The following PPM1L variants were observed in gnomAD, a reference collection of about 807,000 sequenced individuals.
The protein encoded by PPM1L is protein phosphatase, Mg2+/Mn2+ dependent 1L, also known as protein phosphatase 1L.
A neutral mutation model predicts 31.4 loss-of-function variants in PPM1L; 13 were observed. That is an observed-to-expected ratio of 0.41 (90% confidence interval 0.27 to 0.66). The LOEUF (loss-of-function observed/expected upper bound fraction) is 0.66, where lower values mean the gene tolerates loss of function less well. PPM1L is among the 30% of genes least tolerant of loss of function. PPM1L has a pLI of 0.29. For missense variants in PPM1L, 326 were observed against 453.7 expected, an observed-to-expected ratio of 0.72 and a Z score of 2.56; for synonymous variants, 184 against 175.4, an observed-to-expected ratio of 1.05 and a Z score of -0.39.
intron 2 of PPM1L, among the ~76,000 whole-genome samples, chr3:161,053,124 G>T (rs1559938424): frequency 6.6e-6 from 1 of 152,194 alleles, no homozygotes; most frequent in Non-Finnish European, 1.5e-5. Flanking sequence ...GCTTATGTAG[G>T]AAGAATCAAA....
At chr3:160,896,511 C>A (rs761366556) in intron 1 of PPM1L, among the ~76,000 whole-genome samples, 1 of 152,026 alleles carries the variant, frequency 6.6e-6, no homozygotes, top group Non-Finnish European at 1.5e-5. Flanking sequence ...TCACGGCAAA[C>A]CAACTTTAAA....
chr3:161,001,588 G>C (rs1717482924), intron 2 of PPM1L, among the ~76,000 whole-genome samples: 4 of 151,986 alleles, frequency 2.6e-5, no homozygotes, highest in Admixed American at 2.6e-4. Flanking sequence ...TCAATGATAG[G>C]AAAATATATG....
chr3:160,995,167 C>T (rs375430211), intron 2 of PPM1L, among the ~76,000 whole-genome samples: 1 of 152,070 alleles, frequency 6.6e-6, no homozygotes, highest in East Asian at 1.9e-4. Flanking sequence ...AGAACAAAAG[C>T]CTCTTTGAAG....
chr3:160,840,143 A>G (rs1576663779), intron 1 of PPM1L, among the ~76,000 whole-genome samples: 1 of 152,178 alleles, frequency 6.6e-6, no homozygotes, highest in East Asian at 1.9e-4. Flanking sequence ...GTGTTTCTCA[A>G]CCTCATTTGC....
At chr3:161,015,079 T>G in intron 2 of PPM1L, among the ~76,000 whole-genome samples, 2 of 142,416 alleles carry the variant, frequency 1.4e-5, no homozygotes, top group Admixed American at 7.1e-5. Context: ...GTAGGGGGAG[T>G]AGCAAAGGGG....
At chr3:160,781,701 T>G (rs150255509) in intron 1 of PPM1L, among the ~76,000 whole-genome samples, 2 of 152,312 alleles carry the variant, frequency 1.3e-5, no homozygotes, top group East Asian at 3.9e-4. Context: ...TTACCCTGCT[T>G]TTGTCTGCGC....
At chr3:160,905,436 C>T (rs189255125) in intron 1 of PPM1L, among the ~76,000 whole-genome samples, 7 of 152,250 alleles carry the variant, frequency 4.6e-5, no homozygotes, top group Admixed American at 1.3e-4. Flanking sequence ...AAATGCCCGT[C>T]TAATAGTTCT....
chr3:161,033,519 G>C (rs1044184418), intron 2 of PPM1L, among the ~76,000 whole-genome samples: 3 of 151,962 alleles, frequency 2.0e-5, no homozygotes, highest in African/African-American at 4.8e-5. Flanking sequence ...CAGAACAGAG[G>C]CCTCAGAAAA....
chr3:161,067,977 GCTGT>G (rs1265444648), intron 3 of PPM1L, among the ~76,000 whole-genome samples: 4 of 152,140 alleles, frequency 2.6e-5, no homozygotes, highest in African/African-American at 9.7e-5. Context: ...CTCCTGCCAG[GCTGT>G]CTACTTTTTT....
At chr3:160,881,623 C>T (rs910774588) in intron 1 of PPM1L, among the ~76,000 whole-genome samples, 2 of 152,218 alleles carry the variant, frequency 1.3e-5, no homozygotes, top group African/African-American at 4.8e-5. Flanking sequence ...CTGCTTTTGA[C>T]TATTCTCCCT....
chr3:160,829,987 A>G (rs1311667660), intron 1 of PPM1L, among the ~76,000 whole-genome samples: 1 of 152,162 alleles, frequency 6.6e-6, no homozygotes, highest in Admixed American at 6.5e-5. Flanking sequence ...TGGGAAACAA[A>G]GTGGATTGGT....
In PPM1L at chr3:161,068,830, T is replaced by C; in HGVS notation, c.756T>C (p.Asn252=). The C allele has an allele frequency of 1.2e-6, 2 of 1,611,190 alleles. No homozygotes were observed. Among genetic ancestry groups the C allele is most frequent in the East Asian group, 2.2e-5 (1 of 44,854 alleles). ...TTCTAGGTGGTTTCATCAGTTTCAA[T>C]GGCTCCTGGAGGGTCCAGGGAATCC... is the stretch of plus-strand genomic sequence containing the variant. ...IKRAGGFISF[N]GSWRVQGILA... The change falls in exon 4 of 4, where the codon AAT becomes AAC. Residue 252 remains asparagine, a synonymous_variant. Transcript: ENST00000498165.
rs779096753 is a variant in PPM1L at position 160,756,639 on chromosome 3, G to A, written c.331G>A (p.Val111Ile). Residue 111 changes from valine to isoleucine, a missense_variant, in exon 1 of 4, where the codon GTT becomes ATT. Around this residue, in one of 3 missense-constraint regions of PPM1L, gnomAD observed 83 missense variants for 79.4 expected, o/e 1.04. Coordinates refer to ENST00000498165, the MANE Select transcript of PPM1L (RefSeq NM_139245.4). The surrounding 1 kb of genome is among the most constrained non-coding windows in gnomAD (Gnocchi z 6.2). ...AGACCACATGGAGGACCGCTTCGAA[G>A]TTCTCACGGATCTGGCCAACAAGAC... ...RRDHMEDRFEVLTDLANKTHP... is the reference protein window; with the variant it reads ...RRDHMEDRFEILTDLANKTHP... The A allele has an allele frequency of 1.2e-5, 20 of 1,614,070 alleles. No homozygotes were observed. The highest frequency in any genetic ancestry group is 1.0e-4 in the Admixed American group (6 of 60,012).
intron 1 of PPM1L, among the ~76,000 whole-genome samples, chr3:160,860,480 A>G (rs1439649863): frequency 6.6e-6 from 1 of 152,196 alleles, no homozygotes; most frequent in Non-Finnish European, 1.5e-5. Context: ...AAATGGTGGT[A>G]TTATTAACAA....
At chr3:160,802,958 A>G (rs1712479035) in intron 1 of PPM1L, among the ~76,000 whole-genome samples, 2 of 152,218 alleles carry the variant, frequency 1.3e-5, no homozygotes, top group African/African-American at 2.4e-5. Flanking sequence ...CTATTAAGAT[A>G]GAGATTGGCG....
At chr3:160,899,167 C>T (rs958904888) in intron 1 of PPM1L, among the ~76,000 whole-genome samples, 10 of 152,170 alleles carry the variant, frequency 6.6e-5, no homozygotes, top group African/African-American at 2.2e-4. Flanking sequence ...CCAGATCACA[C>T]AGGTAGAAAA....
intron 1 of PPM1L, among the ~76,000 whole-genome samples, chr3:160,955,654 CTT>C (rs34686234): frequency 9.7e-5 from 13 of 134,504 alleles, no homozygotes; most frequent in Admixed American, 1.5e-4. Context: ...AACAAGTTTT[CTT>C]TTTTTTTTTT....
intron 1 of PPM1L, among the ~76,000 whole-genome samples, chr3:160,784,701 A>G (rs1711851669): frequency 1.3e-5 from 2 of 152,222 alleles, no homozygotes; most frequent in African/African-American, 4.8e-5. Context: ...AGACAAACCC[A>G]TTTCCTATGT....
At chr3:160,764,468 T>C (rs1285521496) in intron 1 of PPM1L, among the ~76,000 whole-genome samples, 1 of 151,832 alleles carries the variant, frequency 6.6e-6, no homozygotes, top group Non-Finnish European at 1.5e-5. Flanking sequence ...TCCCTCTCTC[T>C]CTCTCTCTTT....
Sources: allele counts gnomAD v4.1 joint callset (sites outside exome capture counted in the v4.1 genomes callset), GRCh38; gene constraint gnomAD v4.1.1; regional missense constraint gnomAD v4.1.1; non-coding constraint Gnocchi (gnomAD v3.1); transcripts MANE v1.5; gene names NCBI Gene and HGNC (gene_info 2026-07-23, HGNC 2026-07-21).